Variants in ARSB observed in about 807,000 individuals in gnomAD.
ARSB encodes arylsulfatase B.
ARSB carries 41 observed loss-of-function variants against 50.9 expected under a neutral mutation model. That is an observed-to-expected ratio of 0.81 (90% confidence interval 0.63 to 1.04). ARSB has a LOEUF of 1.04. Ranked by LOEUF, ARSB falls within the 50% of genes least tolerant of loss-of-function variation. The pLI, the probability that ARSB is intolerant of heterozygous loss-of-function variation, is 0.00. For synonymous variants in ARSB, 269 were observed against 284.8 expected, an observed-to-expected ratio of 0.94 and a Z score of 0.56; for missense variants, 672 against 693.3, an observed-to-expected ratio of 0.97 and a Z score of 0.35.
At position 78,885,658 on chromosome 5, in the gene ARSB, T is replaced by A. The variant is rs16876029; in HGVS notation, c.1068A>T (p.Thr356=). Residue 356 remains threonine (T), a synonymous_variant, in exon 5 of 8, where the codon ACA becomes ACT. Transcript: ENST00000264914. The part of the protein sequence containing the change: ...ELIHISDWLP[T]LVKLARGHTN... ...TGTGTCCCCTGGCCAGCTTCACGAG[T>A]GTTGGCAGCCAGTCAGAGATGTGGA... 1.7e-3 allele frequency: 2,702 copies of A among 1,613,994 alleles called. 50 individuals carry two copies. The African/African-American group carries it at 0.031, about 19-fold the overall frequency.
chr5:78,790,725 A>T (rs1361415239), intron 6 of ARSB, among the ~76,000 whole-genome samples: 1 of 152,224 alleles, frequency 6.6e-6, no homozygotes, highest in Non-Finnish European at 1.5e-5. Context: ...TCAGTATAAT[A>T]TAGTTTCATT....
intron 6 of ARSB, among the ~76,000 whole-genome samples, chr5:78,832,882 T>A (rs946454911): frequency 6.6e-6 from 1 of 152,166 alleles, no homozygotes; most frequent in Non-Finnish European, 1.5e-5. Context: ...GTGTCTCCTG[T>A]GTGTGCGTAC....
intron 4 of ARSB, among the ~76,000 whole-genome samples, chr5:78,947,019 A>T (rs538514180): frequency 6.6e-6 from 1 of 152,278 alleles, no homozygotes; most frequent in South Asian, 2.1e-4. Flanking sequence ...CCAAGAACAG[A>T]CACTGGAGAA....
At chr5:78,912,181 G>A (rs994610050) in intron 4 of ARSB, among the ~76,000 whole-genome samples, 3 of 152,136 alleles carry the variant, frequency 2.0e-5, no homozygotes, top group Non-Finnish European at 1.5e-5. Context: ...GGTTACTGAC[G>A]TTATTGTAGT....
intron 3 of ARSB, among the ~76,000 whole-genome samples, chr5:78,961,654 G>A (rs917319378): frequency 1.3e-5 from 2 of 152,122 alleles, no homozygotes; most frequent in African/African-American, 4.8e-5. Context: ...AACCCTGTGA[G>A]GGAATATTCC....
At chr5:78,972,275 T>G (rs919213836) in intron 1 of ARSB, among the ~76,000 whole-genome samples, 4 of 152,210 alleles carry the variant, frequency 2.6e-5, no homozygotes, top group African/African-American at 7.2e-5. Context: ...TAGGTTCTGG[T>G]AATTGGCCCT....
At chr5:78,802,791 G>T (rs1743440146) in intron 6 of ARSB, among the ~76,000 whole-genome samples, 1 of 152,204 alleles carries the variant, frequency 6.6e-6, no homozygotes, top group African/African-American at 2.4e-5. Context: ...TTAGCTAATT[G>T]GTGTCCACGT....
At chr5:78,883,705 C>G (rs337834) in intron 5 of ARSB, 109,843 of 152,120 alleles carry the variant, frequency 0.72, 41,727 homozygotes, top group East Asian at 0.95. Flanking sequence ...TCTCACCCTT[C>G]TGGGTGAGGC....
rs1001103236 is a variant in ARSB at position 78,832,518 on chromosome 5, G to A, written c.1213+6838C>T. Reference sequence around the variant, plus strand: ...TTACTGAATAAACAATCTTGGAAATGGCAACATAATACTGGGAAATGGCTC... The same window carrying A: ...TTACTGAATAAACAATCTTGGAAATAGCAACATAATACTGGGAAATGGCTC... On this transcript the variant is annotated intron_variant, in intron 6 of 7. Coordinates refer to ENST00000264914, the MANE Select transcript of ARSB (RefSeq NM_000046.5). Among the ~76,000 whole-genome samples, 39 of 152,142 alleles carry A rather than the reference G, an allele frequency of 2.6e-4. 1 individual carries two copies. Among genetic ancestry groups the A allele is most frequent in the Non-Finnish European group, 5.9e-5 (4 of 68,042 alleles).
chr5:78,985,560 T>TAAA (rs11424557), upstream of ARSB: 3 of 194,302 alleles, frequency 1.5e-5, no homozygotes, highest in East Asian at 1.3e-4. Context: ...TGTGGTTTCC[T>TAAA]AAAAAAAAAA....
intron 5 of ARSB, among the ~76,000 whole-genome samples, chr5:78,850,798 G>A (rs1193913380): frequency 3.9e-5 from 6 of 152,248 alleles, no homozygotes; most frequent in South Asian, 2.1e-4. Context: ...GAGGGTGTAC[G>A]TATCCAGTAA....
chr5:78,786,222 C>T (rs940810032), intron 6 of ARSB, among the ~76,000 whole-genome samples: 3 of 152,182 alleles, frequency 2.0e-5, no homozygotes, highest in Non-Finnish European at 4.4e-5. Flanking sequence ...CTATTCTGGA[C>T]ATTTTATATA....
rs887343928 is a variant in ARSB, at chr5:78,985,242, G to A, written c.7C>T (p.Pro3Ser). The change falls in exon 1 of 8, where the codon CCG becomes TCG. Residue 3 changes from proline to serine, a missense_variant. Pro to Ser is a moderately conservative substitution (Grantham distance 74, BLOSUM62 -1). Transcript: ENST00000264914. ...CGGGGCAAGCTCGCCGCGCCGCGCG[G>A]ACCCATCCTTGTCCGCCCGCGGTCC... MG[P>S]RGAASLPRGP... 7.6e-7 allele frequency: 1 copy of A among 1,320,490 alleles called. No homozygotes were observed. Among genetic ancestry groups the A allele is most frequent in the Non-Finnish European group, 9.6e-7 (1 of 1,041,818 alleles). 81.8% of individuals were successfully genotyped at this position (1,320,490 alleles called of 1,614,324 possible). A position where few individuals can be genotyped will look rare whatever the true frequency, so the allele number is the denominator to read the frequency against.
At chr5:78,973,993 C>T (rs574064012) in intron 1 of ARSB, among the ~76,000 whole-genome samples, 22 of 152,314 alleles carry the variant, frequency 1.4e-4, no homozygotes, top group Non-Finnish European at 2.5e-4. Flanking sequence ...ATGATCAGAA[C>T]GCAATCACAG....
intron 4 of ARSB, among the ~76,000 whole-genome samples, chr5:78,933,919 G>A (rs1404331117): frequency 7.9e-5 from 12 of 152,166 alleles, no homozygotes; most frequent in Non-Finnish European, 1.0e-4. Flanking sequence ...AGAGTGACGA[G>A]AGAGAAGAAA....
chr5:78,940,067 G>C (rs373460118), intron 4 of ARSB, among the ~76,000 whole-genome samples: 1,586 of 152,254 alleles, frequency 0.01, 22 homozygotes, highest in African/African-American at 0.031. Flanking sequence ...TCTTTTGGCT[G>C]CATAAATGTC....
chr5:78,835,962 C>A (rs935512596), intron 6 of ARSB, among the ~76,000 whole-genome samples: 7 of 152,182 alleles, frequency 4.6e-5, no homozygotes, highest in Non-Finnish European at 7.3e-5. Flanking sequence ...CCATTGTTAA[C>A]CCTCAGTTTA....
At chr5:78,828,427 CT>C (rs1744531444) in intron 6 of ARSB, among the ~76,000 whole-genome samples, 1 of 152,104 alleles carries the variant, frequency 6.6e-6, no homozygotes, top group Non-Finnish European at 1.5e-5. Context: ...GCTCACACAC[CT>C]TTTGCTCACA....
chr5:78,795,668 T>C (rs183402020), intron 6 of ARSB, among the ~76,000 whole-genome samples: 72 of 152,318 alleles, frequency 4.7e-4, no homozygotes, highest in African/African-American at 1.6e-3. Context: ...AACAGGAGTG[T>C]TGGGAAAAAT....
Sources: allele counts gnomAD v4.1 joint callset (sites outside exome capture counted in the v4.1 genomes callset), GRCh38; gene constraint gnomAD v4.1.1; transcripts MANE v1.5; gene names NCBI Gene and HGNC (gene_info 2026-07-23, HGNC 2026-07-21).